Variants in CENPP observed in about 807,000 individuals in gnomAD.
The protein encoded by CENPP is centromere protein P.
CENPP carries 24 observed loss-of-function variants against 35.6 expected under a neutral mutation model. That is an observed-to-expected ratio of 0.67 (90% CI 0.49 to 0.95). The LOEUF (loss-of-function observed/expected upper bound fraction) is 0.95, where lower values mean the gene tolerates loss of function less well. Ranked by LOEUF, CENPP falls within the 40% of genes least tolerant of loss-of-function variation. The probability of loss-of-function intolerance (pLI) is 0.00; values close to 1 mark genes in which losing one functional copy is unlikely to be tolerated. For missense variants in CENPP, 332 were observed against 345.3 expected (o/e 0.96, Z 0.31); for synonymous variants, 120 against 125.5 (o/e 0.96, Z 0.29).
At chr9:92,464,615 C>G in intron 5 of CENPP, 1 of 495,346 alleles carries the variant, frequency 2.0e-6, no homozygotes, top group Non-Finnish European at 3.9e-6. Context: ...TTCTCTACCT[C>G]TAACAGGTAC....
intron 1 of CENPP, among the ~76,000 whole-genome samples, chr9:92,328,001 A>AGG (rs1840624272): frequency 6.6e-6 from 1 of 152,158 alleles, no homozygotes; most frequent in South Asian, 2.1e-4. Context: ...CCAAATAGGA[A>AGG]GGGGTATAAC....
rs1399564330 is a variant in CENPP, at chr9:92,332,117, G to A, written c.108-53G>A. 5.6e-6 allele frequency: 7 copies of A among 1,254,322 alleles called. No homozygotes were observed. The East Asian group carries it at 1.8e-4, about 32-fold the overall frequency. 77.7% of individuals were successfully genotyped at this position (1,254,322 alleles called of 1,614,324 possible). On this transcript the variant is annotated intron_variant, in intron 1 of 7. Coordinates refer to ENST00000375587, the MANE Select transcript of CENPP (RefSeq NM_001012267.3). ...TGCTTTGAGGAAAATGGGGTTATTA[G>A]ATGAAACACGTGTTAGTAATTGGAG...
chr9:92,351,954 C>T (rs144075194), intron 4 of CENPP, among the ~76,000 whole-genome samples: 112 of 150,090 alleles, frequency 7.5e-4, no homozygotes, highest in African/African-American at 2.6e-3. Flanking sequence ...TGGTTTATTT[C>T]GCTGAGTGTA....
At chr9:92,549,507 C>A (rs568366234) in intron 5 of CENPP, among the ~76,000 whole-genome samples, 30 of 152,108 alleles carry the variant, frequency 2.0e-4, no homozygotes, top group African/African-American at 7.2e-4. Context: ...ATTAGCTGGG[C>A]GTTGTGGCAC....
intron 4 of CENPP, among the ~76,000 whole-genome samples, chr9:92,351,571 G>T (rs142348504): frequency 6.6e-6 from 1 of 151,986 alleles, no homozygotes; most frequent in East Asian, 1.9e-4. Flanking sequence ...TTGTCTGTGT[G>T]ATTTTGATTA....
chr9:92,357,192 CT>C (rs567091851), intron 4 of CENPP, among the ~76,000 whole-genome samples: 17 of 149,786 alleles, frequency 1.1e-4, no homozygotes, highest in South Asian at 2.1e-4. Flanking sequence ...TTTATTGAGT[CT>C]TTTTTTTTGT....
At chr9:92,513,321 A>G (rs967218506) in intron 5 of CENPP, among the ~76,000 whole-genome samples, 2 of 152,244 alleles carry the variant, frequency 1.3e-5, no homozygotes, top group Non-Finnish European at 2.9e-5. Context: ...AAGTGCGGGC[A>G]GGCTGCAGAG....
chr9:92,420,357 T>C (rs2130967296), intron 5 of CENPP, among the ~76,000 whole-genome samples: 1 of 152,338 alleles, frequency 6.6e-6, no homozygotes, highest in East Asian at 1.9e-4. Flanking sequence ...CTTTTGCACA[T>C]GCCCTAAACT....
intron 5 of CENPP, among the ~76,000 whole-genome samples, chr9:92,604,788 T>G (rs1851027459): frequency 6.6e-6 from 1 of 151,982 alleles, no homozygotes; most frequent in Non-Finnish European, 1.5e-5. Flanking sequence ...AGAGACGGGT[T>G]TTACTATGTT....
intron 5 of CENPP, among the ~76,000 whole-genome samples, chr9:92,546,202 GGACCAATCAGCTCTCTGTAAAACA>G (rs1393904441): frequency 2.6e-5 from 4 of 152,144 alleles, no homozygotes; most frequent in Non-Finnish European, 4.4e-5. Context: ...CTGTCAAAAC[GGACCAATCAGCTCTCTGTAAAACA>G]GACCAATCAG....
intron 5 of CENPP, among the ~76,000 whole-genome samples, chr9:92,545,627 T>C (rs567060630): frequency 6.7e-4 from 102 of 151,948 alleles, no homozygotes; most frequent in Non-Finnish European, 1.3e-3. Flanking sequence ...GGCTGAGGAG[T>C]GCGGGCACAG....
At chr9:92,392,552 T>C (rs1042259451) in intron 5 of CENPP, among the ~76,000 whole-genome samples, 2 of 151,408 alleles carry the variant, frequency 1.3e-5, no homozygotes, top group African/African-American at 4.9e-5. Flanking sequence ...GAGACAGAGG[T>C]TGCAGTGAGC....
chr9:92,493,536 C>T (rs1368000328), intron 5 of CENPP: 2 of 152,134 alleles, frequency 1.3e-5, no homozygotes, highest in African/African-American at 4.8e-5. Flanking sequence ...AAAGACAAGA[C>T]ACACCATTAA....
At chr9:92,408,820 T>C (rs1843373972) in intron 5 of CENPP, among the ~76,000 whole-genome samples, 1 of 152,164 alleles carries the variant, frequency 6.6e-6, no homozygotes, top group South Asian at 2.1e-4. Context: ...AGCAAAATCA[T>C]TCGTATTGAT....
At chr9:92,403,551 G>A (rs1024707534) in intron 5 of CENPP, 23 of 1,364,996 alleles carry the variant, frequency 1.7e-5, no homozygotes, top group African/African-American at 8.8e-5. Context: ...CAGGGTGTGC[G>A]CAGTAAGGGC....
intron 5 of CENPP, among the ~76,000 whole-genome samples, chr9:92,538,266 A>G (rs1009589941): frequency 6.6e-6 from 1 of 152,224 alleles, no homozygotes; most frequent in African/African-American, 2.4e-5. Context: ...ACCACCATGC[A>G]TAGTTGTCCA....
Position 92,613,283 on chromosome 9 carries a change from T to A in CENPP, c.*134T>A. Reference sequence around the variant, plus strand: ...TGCTGTCTATGCAGTTATGGCACATTATATGGAAACTCTCATGACATGAAA... The same window carrying A: ...TGCTGTCTATGCAGTTATGGCACATAATATGGAAACTCTCATGACATGAAA... On this transcript the variant is annotated 3_prime_UTR_variant, in exon 8 of 8. Transcript: ENST00000375587. The A allele has an allele frequency of 1.0e-6, 1 of 957,900 alleles. No homozygotes were observed. Among genetic ancestry groups the A allele is most frequent in the South Asian group, 1.6e-5 (1 of 61,548 alleles). 59.3% of individuals were successfully genotyped at this position (957,900 alleles called of 1,614,324 possible). A position where few individuals can be genotyped will look rare whatever the true frequency, so the allele number is the denominator to read the frequency against.
At chr9:92,400,455 G>A (rs1434530947) in intron 5 of CENPP, among the ~76,000 whole-genome samples, 1 of 152,170 alleles carries the variant, frequency 6.6e-6, no homozygotes, top group Non-Finnish European at 1.5e-5. Context: ...AGCCTGGGAT[G>A]TCTTTAAATT....
chr9:92,563,723 C>G (rs1008494594), intron 5 of CENPP, among the ~76,000 whole-genome samples: 1 of 152,120 alleles, frequency 6.6e-6, no homozygotes, highest in Non-Finnish European at 1.5e-5. Flanking sequence ...TGTCTCCCTT[C>G]TTAATCTCTT....
Sources: gnomAD v4.1 joint callset for allele counts (sites outside exome capture counted in the v4.1 genomes callset) on GRCh38, gnomAD v4.1.1 for gene constraint, MANE v1.5 for transcripts, NCBI Gene and HGNC (gene_info 2026-07-23, HGNC 2026-07-21) for gene names.